The following NELL1 variants were observed in gnomAD, a reference collection of about 807,000 sequenced individuals.
NELL1 encodes the protein neural EGFL like 1, also known as protein kinase C-binding protein NELL1.
In NELL1, 76 loss-of-function variants were observed where a neutral mutation model predicts 107.4. The observed-to-expected ratio is 0.71, with a 90% CI of 0.59 to 0.86. The LOEUF (loss-of-function observed/expected upper bound fraction) is 0.86, where lower values mean the gene tolerates loss of function less well. NELL1 is among the 40% of genes least tolerant of loss of function. The pLI is 0.00. For missense variants in NELL1, 1,024 were observed against 1,005.5 expected, an observed-to-expected ratio of 1.02 and a Z score of -0.25; for synonymous variants, 353 against 341.2, an observed-to-expected ratio of 1.03 and a Z score of -0.38.
At position 20,757,582 on chromosome 11, in the gene NELL1, C is replaced by T. The variant is rs560814373; in HGVS notation, c.185-26098C>T. Among the ~76,000 whole-genome samples the T allele has an allele frequency of 7.2e-5, 11 of 152,316 alleles. No homozygotes were observed. In the South Asian group the frequency reaches 2.1e-3, roughly 29 times the overall value. ...CTTATTTGGCTCACTCTTTTACTGC[C>T]CATAACCTTGCCTTTATCTCAGTAA... On this transcript the variant is annotated intron_variant, in intron 2 of 19. Coordinates refer to ENST00000357134, the MANE Select transcript of NELL1 (RefSeq NM_006157.5).
intron 12 of NELL1, among the ~76,000 whole-genome samples, chr11:21,110,055 C>T (rs538328442): frequency 6.6e-6 from 1 of 152,102 alleles, no homozygotes; most frequent in African/African-American, 2.4e-5. Flanking sequence ...ACTTCACTTT[C>T]TCTCTCTTCT....
At chr11:20,795,774 G>A (rs913948299) in intron 3 of NELL1, among the ~76,000 whole-genome samples, 3 of 152,056 alleles carry the variant, frequency 2.0e-5, no homozygotes, top group African/African-American at 7.2e-5. Context: ...TCCTAAGAAG[G>A]CATCTCCTTT....
rs571172366 is a variant in NELL1 at position 21,166,356 on chromosome 11, AATTTAC to A, written c.1426+52654_1426+52659del. On this transcript the variant is annotated intron_variant, in intron 13 of 19. Transcript: ENST00000357134. The stretch of plus-strand genomic sequence containing the variant: ...CAACAGAGTGACTACAGTAAAAAAT[AATTTAC>A]ATTTACATTTAAAAATCACTTTTAA... 3.0e-3 allele frequency among the ~76,000 whole-genome samples: 462 copies of A among 152,030 alleles called. 5 individuals are homozygous for A. Among genetic ancestry groups the A allele is most frequent in the Non-Finnish European group, 5.5e-3 (373 of 68,030 alleles).
chr11:20,853,187 G>A (rs1848822701), intron 4 of NELL1, among the ~76,000 whole-genome samples: 1 of 152,202 alleles, frequency 6.6e-6, no homozygotes. Flanking sequence ...ACCATGTATG[G>A]GTAAGTAGTA....
intron 13 of NELL1, among the ~76,000 whole-genome samples, chr11:21,221,491 C>A (rs898270062): frequency 6.6e-6 from 1 of 152,264 alleles, no homozygotes; most frequent in Admixed American, 6.5e-5. Flanking sequence ...TAGAATTCAT[C>A]AGTGAAGGCA....
intron 15 of NELL1, among the ~76,000 whole-genome samples, chr11:21,385,645 C>T (rs573823154): frequency 1.3e-5 from 2 of 151,882 alleles, no homozygotes; most frequent in African/African-American, 2.4e-5. Context: ...AATGTTCTTC[C>T]GGCATTGCAG....
At chr11:21,513,870 G>A (rs903627587) in intron 15 of NELL1, among the ~76,000 whole-genome samples, 4 of 152,152 alleles carry the variant, frequency 2.6e-5, no homozygotes, top group Non-Finnish European at 4.4e-5. Flanking sequence ...CTCAAAATAC[G>A]TGTCTTAGAG....
chr11:21,193,542 A>G (rs2133838466), intron 13 of NELL1, among the ~76,000 whole-genome samples: 1 of 152,074 alleles, frequency 6.6e-6, no homozygotes. Flanking sequence ...ATCAGGCAAT[A>G]AAGAAGCTTT....
At chr11:20,704,135 G>A (rs757122224) in intron 2 of NELL1, among the ~76,000 whole-genome samples, 11 of 152,180 alleles carry the variant, frequency 7.2e-5, no homozygotes, top group Non-Finnish European at 1.5e-4. Context: ...TTGTGTGAGA[G>A]TCTAAGTCTC....
chr11:20,783,707 C>T lies in NELL1; in HGVS notation c.212C>T (p.Pro71Leu), dbSNP rs757255007. The change falls in exon 3 of 20, where the codon CCT (proline) becomes CTT (leucine). Residue 71 changes from proline (P) to leucine (L), a missense_variant. Transcript: ENST00000357134. ...ATAGAAAGAGAGATCCATGCAGCTCCTCATGTGAGTGAGAAATTAATTCAG... is the reference window on the plus strand; with the variant it reads ...ATAGAAAGAGAGATCCATGCAGCTCTTCATGTGAGTGAGAAATTAATTCAG... ...QDIEREIHAA[P>L]HVSEKLIQLF... 6.2e-7 allele frequency: 1 copy of T among 1,613,890 alleles called. No individual in the cohort carries two copies. The highest frequency in any genetic ancestry group is 1.3e-5 in the African/African-American group (1 of 75,020).
chr11:21,309,285 TATATA>T lies in NELL1; in HGVS notation c.1550-61567_1550-61563del, dbSNP rs1377167766. ...GTATATATATATATATATATGTATA[TATATA>T]TATATATATGTATATATATATAATA... On this transcript the variant is annotated intron_variant, in intron 14 of 19. Transcript: ENST00000357134. Among the ~76,000 whole-genome samples, 113 of 68,112 alleles carry T rather than the reference TATATA, an allele frequency of 1.7e-3. No individual in the cohort carries two copies. In the East Asian group the frequency reaches 0.02, roughly 12 times the overall value. 44.7% of individuals were successfully genotyped at this position (68,112 alleles called of 152,430 possible).
chr11:20,670,630 T>A (rs1853878690), intron 1 of NELL1: 1 of 152,232 alleles, frequency 6.6e-6, no homozygotes, highest in Non-Finnish European at 1.5e-5. Flanking sequence ...GTTCGGAGAC[T>A]GGCTTGCAGC....
intron 2 of NELL1, among the ~76,000 whole-genome samples, chr11:20,749,122 G>A (rs974951582): frequency 1.3e-5 from 2 of 152,072 alleles, no homozygotes; most frequent in African/African-American, 4.8e-5. Flanking sequence ...AGCTATTCTA[G>A]GGCTGTTTGA....
At chr11:21,064,736 T>C (rs1411222460) in intron 12 of NELL1, among the ~76,000 whole-genome samples, 1 of 152,134 alleles carries the variant, frequency 6.6e-6, no homozygotes, top group Non-Finnish European at 1.5e-5. Flanking sequence ...TATTAAGTGC[T>C]CTTAAGTTAG....
chr11:21,084,489 G>C lies in NELL1; in HGVS notation c.1301-29100G>C, dbSNP rs114699157. Among the ~76,000 whole-genome samples the C allele has an allele frequency of 9.8e-3, 1,490 of 152,216 alleles. 21 individuals carry two copies. Among genetic ancestry groups the C allele is most frequent in the African/African-American group, 0.034 (1,418 of 41,536 alleles). ...TCTTATAGTGATCGCTTGATTTATT[G>C]ATTTATGAAGTTGGCTCTGGGCTCA... On this transcript the variant is annotated intron_variant, in intron 12 of 19. Transcript: ENST00000357134.
chr11:21,154,637 T>C (rs1670636), intron 13 of NELL1, among the ~76,000 whole-genome samples: 121,708 of 151,914 alleles, frequency 0.8, 49,012 homozygotes, highest in African/African-American at 0.88. Context: ...TAAATAGTCA[T>C]GAAGGAGGAG....
intron 12 of NELL1, among the ~76,000 whole-genome samples, chr11:20,986,761 A>G (rs1851861628): frequency 6.6e-6 from 1 of 152,174 alleles, no homozygotes; most frequent in African/African-American, 2.4e-5. Context: ...GAATAAAACA[A>G]GTGACTGTCA....
intron 5 of NELL1, among the ~76,000 whole-genome samples, chr11:20,910,078 G>A (rs117924866): frequency 0.012 from 1,878 of 152,268 alleles, 20 homozygotes; most frequent in Non-Finnish European, 0.017. Flanking sequence ...GTAGCTGGCT[G>A]GTGGAGTTGG....
At chr11:20,887,602 A>G (rs1849536804) in intron 5 of NELL1, among the ~76,000 whole-genome samples, 1 of 152,176 alleles carries the variant, frequency 6.6e-6, no homozygotes, top group African/African-American at 2.4e-5. Context: ...TAGCAGAAGG[A>G]GGCAATCCAG....
Sources: allele counts gnomAD v4.1 joint callset (sites outside exome capture counted in the v4.1 genomes callset), GRCh38; gene constraint gnomAD v4.1.1; transcripts MANE v1.5; gene names NCBI Gene and HGNC (gene_info 2026-07-23, HGNC 2026-07-21).